Variants in SPTBN1 observed in about 807,000 individuals in gnomAD.
SPTBN1 encodes spectrin beta chain, non-erythrocytic 1.
In SPTBN1, 32 loss-of-function variants were observed where a neutral mutation model predicts 266.4. The ratio of observed to expected loss-of-function variants is 0.12; its 90% CI spans 0.09 to 0.16. The LOEUF (loss-of-function observed/expected upper bound fraction) is 0.16. SPTBN1 is among the 10% of genes least tolerant of loss of function. The pLI, the probability that SPTBN1 is intolerant of heterozygous loss-of-function variation, is 1.00. For missense variants in SPTBN1, 2,296 were observed against 3,067.1 expected (o/e 0.75, Z 5.94); for synonymous variants, 1,336 against 1,162.2 (o/e 1.15, Z -3.04).
At chr2:54,658,114 G>T in intron 30 of SPTBN1, 68 bp downstream of exon 30, 1 of 1,580,760 alleles carries the variant, frequency 6.3e-7, no homozygotes. Context: ...TTGCCTCTTA[G>T]ACCAGGGAAT....
chr2:54,660,936 C>T (rs990278547), intron 32 of SPTBN1: 21 of 985,290 alleles, frequency 2.1e-5, no homozygotes, highest in Middle Eastern at 5.2e-4. Flanking sequence ...CCGATGACTT[C>T]AGGGTGTCAA....
At chr2:54,660,704 C>T (rs1018642681) in intron 32 of SPTBN1, 1 of 985,462 alleles carries the variant, frequency 1.0e-6, no homozygotes, top group Non-Finnish European at 1.2e-6. Flanking sequence ...TTTTTACAAA[C>T]TAGTTCCTCT....
At chr2:54,640,639 C>T (rs895271365) in intron 18 of SPTBN1, among the ~76,000 whole-genome samples, 14 of 152,038 alleles carry the variant, frequency 9.2e-5, no homozygotes, top group African/African-American at 2.4e-4. Context: ...ACAGCCCCCA[C>T]CTCCCGGGTT....
intron 35 of SPTBN1, 64 bp downstream of exon 35, chr2:54,667,710 G>T: frequency 7.0e-7 from 1 of 1,431,870 alleles, no homozygotes; most frequent in South Asian, 1.2e-5. Context: ...TGTGATGATG[G>T]GCTTTATTCA....
At chr2:54,553,824 G>A (rs963145218) in intron 2 of SPTBN1, among the ~76,000 whole-genome samples, 3 of 152,134 alleles carry the variant, frequency 2.0e-5, no homozygotes, top group Admixed American at 1.3e-4. Context: ...AACATCTAAA[G>A]TTTACCCACT....
chr2:54,549,066 C>T (rs1672415171), intron 2 of SPTBN1, among the ~76,000 whole-genome samples: 2 of 152,024 alleles, frequency 1.3e-5, no homozygotes, highest in Admixed American at 1.3e-4. Flanking sequence ...TTTGGGAGGC[C>T]AAGAAGGGTA....
Position 54,628,913 on chromosome 2 carries a change from C to T in SPTBN1, c.1799-20C>T. The T allele has an allele frequency of 1.9e-6, 3 of 1,561,812 alleles. No homozygotes were observed. Among genetic ancestry groups the T allele is most frequent in the Non-Finnish European group, 2.6e-6 (3 of 1,154,154 alleles). On this transcript the variant is annotated intron_variant, in intron 13 of 35. Coordinates refer to ENST00000356805, the MANE Select transcript of SPTBN1 (RefSeq NM_003128.3). This position sits in a 1 kb window ranked among gnomAD's most constrained non-coding sequence, Gnocchi z 4.3. The stretch of plus-strand genomic sequence containing the variant: ...CTGAGCTCCCTCACACAGCCACGTT[C>T]CTTCCTTGATGTTAAACAGGTTACA...
intron 1 of SPTBN1, among the ~76,000 whole-genome samples, chr2:54,518,605 A>G (rs370628727): frequency 1.1e-4 from 17 of 152,348 alleles, no homozygotes; most frequent in African/African-American, 3.8e-4. Context: ...ATAGCATACC[A>G]GCATCCAGTG....
chr2:54,483,323 A>ATG (rs1201967008), intron 1 of SPTBN1, among the ~76,000 whole-genome samples: 3 of 152,218 alleles, frequency 2.0e-5, no homozygotes, highest in Admixed American at 2.0e-4. Flanking sequence ...GGAATCAATT[A>ATG]TGTTCCATGT....
At chr2:54,548,194 T>G (rs1428384843) in intron 2 of SPTBN1, among the ~76,000 whole-genome samples, 3 of 152,132 alleles carry the variant, frequency 2.0e-5, no homozygotes, top group Non-Finnish European at 4.4e-5. Context: ...TTGTCAGGTA[T>G]TTTTTTAAGT....
chr2:54,526,269 G>C, intron 1 of SPTBN1, 103 bp from the exon 2 acceptor site: 1 of 917,408 alleles, frequency 1.1e-6, no homozygotes, highest in East Asian at 2.7e-5. Flanking sequence ...ACCTATTCTT[G>C]GCAAGCACTG....
In SPTBN1 at chr2:54,665,000, G is replaced by A. The variant is rs1681280445; in HGVS notation, c.6659+309G>A. On this transcript the variant is annotated intron_variant, in intron 33 of 35. Coordinates refer to ENST00000356805, the MANE Select transcript of SPTBN1 (RefSeq NM_003128.3). The surrounding 1 kb of genome is among the most constrained non-coding windows in gnomAD (Gnocchi z 5.6). Reference sequence around the variant, plus strand: ...TACTTTAAGTGATTGATTTCATTTAGGACTCCTTGTGGGTTTTTTGTAAAA... The same window carrying A: ...TACTTTAAGTGATTGATTTCATTTAAGACTCCTTGTGGGTTTTTTGTAAAA... Among the ~76,000 whole-genome samples the A allele has an allele frequency of 6.6e-6, 1 of 152,166 alleles. No homozygotes were observed. Among genetic ancestry groups the A allele is most frequent in the Non-Finnish European group, 1.5e-5 (1 of 68,022 alleles).
In SPTBN1 at chr2:54,665,980, C is replaced by G; in HGVS notation, c.6725C>G (p.Thr2242Ser). 1 of 1,614,102 alleles carries G rather than the reference C, an allele frequency of 6.2e-7. No individual in the cohort carries two copies. Among genetic ancestry groups the G allele is most frequent in the Non-Finnish European group, 8.5e-7 (1 of 1,180,030 alleles). Residue 2242 changes from threonine (T) to serine (S), a missense_variant, in exon 34 of 36, where the codon ACT becomes AGT. By Grantham distance (58) the Thr-to-Ser change is moderately conservative. Transcript: ENST00000356805. ...ATGGGTTTCTACAAAGATGCAAAGA[C>G]TGCTGCTTCTGGAATTCCCTACCAC... ...QEMGFYKDAK[T>S]AASGIPYHSE...
intron 2 of SPTBN1, among the ~76,000 whole-genome samples, chr2:54,551,557 T>A (rs1202231148): frequency 1.3e-5 from 2 of 152,238 alleles, no homozygotes; most frequent in Admixed American, 6.5e-5. Context: ...GGGTGCTTGT[T>A]TCCAGTGTAA....
chr2:54,622,030 A>C (rs760961588), intron 8 of SPTBN1, among the ~76,000 whole-genome samples: 16 of 152,222 alleles, frequency 1.1e-4, no homozygotes, highest in Non-Finnish European at 2.4e-4. Context: ...GAAATCATTC[A>C]GAATCTCTTT....
chr2:54,588,189 C>A (rs948244282), intron 2 of SPTBN1, among the ~76,000 whole-genome samples: 1 of 152,110 alleles, frequency 6.6e-6, no homozygotes, highest in Non-Finnish European at 1.5e-5. Context: ...CAGCCTCCTC[C>A]CCTTCCTCTT....
Position 54,571,560 on chromosome 2 carries a change from C to CACACACACAT in SPTBN1, c.149-27523_149-27522insTACACACACA, listed in dbSNP as rs1553449585. On this transcript the variant is annotated intron_variant, in intron 2 of 35. Transcript: ENST00000356805. ...CTAATTGTATGTACACACACACACA[C>CACACACACAT]ACACACACACACACATACACACACA... is the stretch of plus-strand genomic sequence containing the variant. 2.8e-3 allele frequency among the ~76,000 whole-genome samples: 201 copies of CACACACACAT among 73,066 alleles called. 1 individual carries two copies. Among genetic ancestry groups the CACACACACAT allele is most frequent in the African/African-American group, 0.011 (193 of 17,830 alleles). The allele number at this position is 73,066 out of a possible 152,430, so 47.9% of individuals were successfully genotyped here.
At chr2:54,567,861 CAG>C (rs1465187218) in intron 2 of SPTBN1, among the ~76,000 whole-genome samples, 1 of 152,102 alleles carries the variant, frequency 6.6e-6, no homozygotes, top group African/African-American at 2.4e-5. Flanking sequence ...AGGAAGGAGA[CAG>C]AAGACCAGTG....
intron 2 of SPTBN1, among the ~76,000 whole-genome samples, chr2:54,555,687 A>C (rs1015701734): frequency 1.3e-5 from 2 of 152,088 alleles, no homozygotes; most frequent in South Asian, 2.1e-4. Context: ...GCTTAGTTCT[A>C]ACTTGCTTTT....
Sources: allele counts gnomAD v4.1 joint callset (sites outside exome capture counted in the v4.1 genomes callset), GRCh38; gene constraint gnomAD v4.1.1; non-coding constraint Gnocchi (gnomAD v3.1); transcripts MANE v1.5; gene names NCBI Gene and HGNC (gene_info 2026-07-23, HGNC 2026-07-21).